The following GPC6 variants were observed in gnomAD, a reference collection of about 807,000 sequenced individuals.
The protein encoded by GPC6 is glypican-6.
GPC6 carries 14 observed loss-of-function variants against 55.2 expected under a neutral mutation model. That is an observed-to-expected ratio of 0.25 (90% confidence interval 0.17 to 0.40). The LOEUF is 0.40. Among genes scored for constraint, GPC6 ranks in the 10% least tolerant of loss-of-function variants. The probability of loss-of-function intolerance (pLI) is 1.00; values close to 1 mark genes in which losing one functional copy is unlikely to be tolerated. For missense variants in GPC6, 641 were observed against 708.5 expected, an observed-to-expected ratio of 0.90 and a Z score of 1.08; for synonymous variants, 278 against 259.6, an observed-to-expected ratio of 1.07 and a Z score of -0.68.
intron 4 of GPC6, among the ~76,000 whole-genome samples, chr13:94,139,252 C>A (rs893372922): frequency 6.6e-6 from 1 of 152,052 alleles, no homozygotes; most frequent in Non-Finnish European, 1.5e-5. Flanking sequence ...GATAGGTACC[C>A]TAAAAGCCCT....
intron 4 of GPC6, among the ~76,000 whole-genome samples, chr13:94,283,312 T>C (rs1362604901): frequency 6.6e-6 from 1 of 152,396 alleles, no homozygotes; most frequent in East Asian, 1.9e-4. Flanking sequence ...AGGTATATAC[T>C]GTCATAATCT....
In GPC6 at chr13:93,836,689, G is replaced by A. The variant is rs189629017; in HGVS notation, c.711+6144G>A. 7.4e-3 allele frequency among the ~76,000 whole-genome samples: 1,118 copies of A among 152,072 alleles called. 10 individuals carry two copies. Among genetic ancestry groups the A allele is most frequent in the Middle Eastern group, 0.031 (9 of 294 alleles). On this transcript the variant is annotated intron_variant, in intron 3 of 8. Transcript: ENST00000377047. ...GACTGCTGTCTTATGATGGTATTTCGAGTATTATATTATATTTAGAAAGTA... is the reference window on the plus strand; with the variant it reads ...GACTGCTGTCTTATGATGGTATTTCAAGTATTATATTATATTTAGAAAGTA...
chr13:93,320,952 T>C lies in GPC6; in HGVS notation c.160+93336T>C, dbSNP rs78126449. 6.6e-5 allele frequency among the ~76,000 whole-genome samples: 4 copies of C among 60,330 alleles called. 1 individual carries two copies. Among genetic ancestry groups the C allele is most frequent in the African/African-American group, 2.8e-4 (4 of 14,036 alleles). 39.6% of individuals were successfully genotyped at this position (60,330 alleles called of 152,430 possible). ...GTTTTTTAAATTGCAATGGTTTTTG[T>C]TTTTTCTCTAATCAGCACCATGCTG... On this transcript the variant is annotated intron_variant, in intron 1 of 8. Transcript: ENST00000377047.
upstream of GPC6, among the ~76,000 whole-genome samples, chr13:93,225,774 T>C (rs1875758115): frequency 6.6e-6 from 1 of 152,198 alleles, no homozygotes. Flanking sequence ...CAGGAAAACA[T>C]CTTCATGTGT....
chr13:93,656,911 C>T (rs1594347487), intron 2 of GPC6, among the ~76,000 whole-genome samples: 1 of 151,936 alleles, frequency 6.6e-6, no homozygotes, highest in East Asian at 1.9e-4. Context: ...ATGAATGATT[C>T]TCTACAATGA....
intron 1 of GPC6, among the ~76,000 whole-genome samples, chr13:93,530,920 A>G (rs1881841869): frequency 6.6e-6 from 1 of 152,170 alleles, no homozygotes; most frequent in South Asian, 2.1e-4. Flanking sequence ...TAATTTGGGA[A>G]TTATATTGGA....
intron 3 of GPC6, among the ~76,000 whole-genome samples, chr13:93,933,797 T>C (rs951154293): frequency 6.6e-6 from 1 of 152,202 alleles, no homozygotes; most frequent in African/African-American, 2.4e-5. Context: ...AATCCAATAG[T>C]AGACCAAATT....
At chr13:93,857,139 G>A (rs979551279) in intron 3 of GPC6, among the ~76,000 whole-genome samples, 2 of 151,368 alleles carry the variant, frequency 1.3e-5, no homozygotes, top group African/African-American at 4.8e-5. Context: ...ATTAGAAGGG[G>A]GTATAAAATT....
intron 1 of GPC6, among the ~76,000 whole-genome samples, chr13:93,428,538 G>A (rs1289015317): frequency 6.6e-6 from 1 of 152,136 alleles, no homozygotes; most frequent in Non-Finnish European, 1.5e-5. Flanking sequence ...TACTCTGGGG[G>A]TGGATTTTTC....
intron 4 of GPC6, among the ~76,000 whole-genome samples, chr13:94,142,386 AC>A (rs1397408185): frequency 6.6e-6 from 1 of 152,208 alleles, no homozygotes; most frequent in African/African-American, 2.4e-5. Context: ...ACACATACAC[AC>A]ATCTTTTGAT....
chr13:94,276,579 C>T (rs976495762), intron 4 of GPC6, among the ~76,000 whole-genome samples: 1 of 151,900 alleles, frequency 6.6e-6, no homozygotes, highest in Non-Finnish European at 1.5e-5. Flanking sequence ...GACCCATCCT[C>T]TAAGTTCCCA....
At chr13:94,018,715 G>A (rs1176467896) in intron 3 of GPC6, among the ~76,000 whole-genome samples, 1 of 152,184 alleles carries the variant, frequency 6.6e-6, no homozygotes, top group African/African-American at 2.4e-5. Context: ...CGTGGACTGT[G>A]GCCTGTTAGG....
At chr13:93,864,465 C>T (rs938242944) in intron 3 of GPC6, among the ~76,000 whole-genome samples, 1 of 151,614 alleles carries the variant, frequency 6.6e-6, no homozygotes. Flanking sequence ...TGCCTGGTAC[C>T]CGCCTTGTGT....
intron 2 of GPC6, among the ~76,000 whole-genome samples, chr13:93,634,345 T>A (rs927101651): frequency 6.6e-6 from 1 of 152,218 alleles, no homozygotes; most frequent in African/African-American, 2.4e-5. Flanking sequence ...AGACCTAGTC[T>A]AGTCTGGTGA....
intron 3 of GPC6, among the ~76,000 whole-genome samples, chr13:93,898,940 AATATATATATAT>A (rs66531953): frequency 2.3e-4 from 32 of 136,656 alleles, no homozygotes; most frequent in Middle Eastern, 3.8e-3. Context: ...ATTATATATA[AATATATATATAT>A]ATATATATAT....
At chr13:94,311,235 G>A (rs1421744226) in intron 6 of GPC6, among the ~76,000 whole-genome samples, 1 of 147,824 alleles carries the variant, frequency 6.8e-6, no homozygotes, top group East Asian at 2.0e-4. Flanking sequence ...TTTTTTTTGA[G>A]ATGGAATCTT....
In GPC6 at chr13:93,471,854, G is replaced by C. The variant is rs529803694; in HGVS notation, c.161-73409G>C. 2.6e-5 allele frequency among the ~76,000 whole-genome samples: 4 copies of C among 152,298 alleles called. No individual in the cohort carries two copies. In the South Asian group the frequency reaches 8.3e-4, roughly 32 times the overall value. On this transcript the variant is annotated intron_variant, in intron 1 of 8. Transcript: ENST00000377047. ...TGCATAGAATGTATATTCTGCTGTT[G>C]TTGGGCAGAGTAACCTATAAATGTC...
intron 6 of GPC6, among the ~76,000 whole-genome samples, chr13:94,340,856 A>C (rs1213911314): frequency 6.6e-6 from 1 of 152,256 alleles, no homozygotes; most frequent in Non-Finnish European, 1.5e-5. Context: ...TTCTGTATAA[A>C]AGGTTTTAAT....
At chr13:93,943,255 T>A (rs1878824064) in intron 3 of GPC6, among the ~76,000 whole-genome samples, 1 of 152,120 alleles carries the variant, frequency 6.6e-6, no homozygotes, top group Non-Finnish European at 1.5e-5. Context: ...TATACTTAAT[T>A]CCATCTTAGA....
Sources: allele counts gnomAD v4.1 joint callset (sites outside exome capture counted in the v4.1 genomes callset), GRCh38; gene constraint gnomAD v4.1.1; transcripts MANE v1.5; gene names NCBI Gene and HGNC (gene_info 2026-07-23, HGNC 2026-07-21).